The following CCDC178 variants were observed in gnomAD, a reference collection of about 807,000 sequenced individuals.
CCDC178 encodes coiled-coil domain containing 178, also known as coiled-coil domain-containing protein 178.
In CCDC178, 126 loss-of-function variants were observed where a neutral mutation model predicts 117.4. The observed-to-expected ratio is 1.07, with a 90% CI of 0.93 to 1.24. The LOEUF is 1.24. Among genes scored for constraint, CCDC178 ranks in the 50% most tolerant of loss-of-function variants. CCDC178 has a pLI of 0.00. For synonymous variants in CCDC178, 283 were observed against 313.4 expected (o/e 0.90, Z 1.02); for missense variants, 1,030 against 986.9 (o/e 1.04, Z -0.59).
chr18:33,250,699 T>C (rs1389608369), intron 14 of CCDC178, among the ~76,000 whole-genome samples: 2 of 151,612 alleles, frequency 1.3e-5, no homozygotes, highest in Non-Finnish European at 3.0e-5. Flanking sequence ...TATCGGAACA[T>C]CATAGGACAG....
At chr18:33,143,030 A>C (rs2058226427) in intron 20 of CCDC178, among the ~76,000 whole-genome samples, 1 of 152,122 alleles carries the variant, frequency 6.6e-6, no homozygotes, top group Non-Finnish European at 1.5e-5. Flanking sequence ...ATATGCTTCC[A>C]CGGGTTACAG....
Position 33,313,411 on chromosome 18 carries a change from A to C in CCDC178, c.1022+10080T>G, listed in dbSNP as rs78404418. On this transcript the variant is annotated intron_variant, in intron 11 of 22. Transcript: ENST00000383096. ...CAAATGCCACTTTTGCCTTCCTTCC[A>C]GGGTCCTACTCCTTTTATCCCAGTT... is the stretch of plus-strand genomic sequence containing the variant. 4.7e-3 allele frequency among the ~76,000 whole-genome samples: 723 copies of C among 152,290 alleles called. 5 individuals carry two copies. Among genetic ancestry groups the C allele is most frequent in the African/African-American group, 0.017 (691 of 41,562 alleles).
intron 5 of CCDC178, among the ~76,000 whole-genome samples, chr18:33,374,704 T>C (rs1404707008): frequency 6.7e-6 from 1 of 150,184 alleles, no homozygotes; most frequent in Admixed American, 6.7e-5. Context: ...TTCTTGATGA[T>C]AGTCAAAAAT....
chr18:33,048,286 T>C (rs1220712320), intron 21 of CCDC178, among the ~76,000 whole-genome samples: 1 of 152,162 alleles, frequency 6.6e-6, no homozygotes, highest in African/African-American at 2.4e-5. Flanking sequence ...CAGTTTCTGG[T>C]ACATTATTAC....
At chr18:33,197,318 C>T (rs186283936) in intron 20 of CCDC178, among the ~76,000 whole-genome samples, 3 of 152,230 alleles carry the variant, frequency 2.0e-5, no homozygotes, top group East Asian at 1.9e-4. Context: ...TGCGAGCCAC[C>T]GCATCCAGCC....
intron 15 of CCDC178, among the ~76,000 whole-genome samples, chr18:33,239,404 A>G (rs370707007): frequency 2.0e-5 from 3 of 152,086 alleles, no homozygotes; most frequent in South Asian, 4.1e-4. Context: ...TAAAAGATAT[A>G]GACCAACTGG....
intron 21 of CCDC178, among the ~76,000 whole-genome samples, chr18:33,066,951 C>T (rs2057027408): frequency 6.6e-6 from 1 of 152,024 alleles, no homozygotes; most frequent in African/African-American, 2.4e-5. Flanking sequence ...ATCATCGAGA[C>T]AAAAAATCAA....
chr18:33,068,407 A>C (rs2057055121), intron 21 of CCDC178, among the ~76,000 whole-genome samples: 1 of 152,120 alleles, frequency 6.6e-6, no homozygotes, highest in African/African-American at 2.4e-5. Flanking sequence ...GACCAGACAT[A>C]CAAAAATCTT....
At position 33,346,203 on chromosome 18, in the gene CCDC178, A is replaced by G. The variant is rs1164532079; in HGVS notation, c.658+8T>C. ...AATAAGAAGTAATATAAAAATCCCT[A>G]TTATTACCTTTCTGCACAGCCAATG... is the stretch of plus-strand genomic sequence containing the variant. On this transcript the variant is annotated splice_region_variant and intron_variant, in intron 9 of 22. Transcript: ENST00000383096. The G allele has an allele frequency of 5.0e-6, 8 of 1,590,758 alleles. No homozygotes were observed. In the African/African-American group the frequency reaches 8.1e-5, roughly 16 times the overall value.
intron 21 of CCDC178, among the ~76,000 whole-genome samples, chr18:33,036,325 C>T (rs187535407): frequency 7.0e-4 from 107 of 151,788 alleles, no homozygotes; most frequent in African/African-American, 2.6e-3. Context: ...AATTAATATA[C>T]TCATCAATTA....
At chr18:33,323,769 G>T in intron 10 of CCDC178, 136 bp from the exon 11 acceptor site, 1 of 498,148 alleles carries the variant, frequency 2.0e-6, no homozygotes, top group Non-Finnish European at 3.2e-6. Flanking sequence ...CTATGGTTTG[G>T]TAAGTGGAAT....
intron 20 of CCDC178, among the ~76,000 whole-genome samples, chr18:33,165,544 A>C (rs188907685): frequency 4.6e-5 from 7 of 152,310 alleles, no homozygotes; most frequent in Admixed American, 4.6e-4. Flanking sequence ...TAAGTTCTAC[A>C]AAATTCTAAT....
chr18:33,256,832 T>C (rs940045017), intron 14 of CCDC178, among the ~76,000 whole-genome samples: 4 of 152,078 alleles, frequency 2.6e-5, no homozygotes, highest in African/African-American at 9.7e-5. Context: ...TAGAAATGAA[T>C]CCAGTTTTAA....
chr18:33,293,056 T>A (rs565552480), intron 12 of CCDC178, 103 bp downstream of exon 12: 1 of 727,026 alleles, frequency 1.4e-6, no homozygotes, highest in East Asian at 2.9e-5. Flanking sequence ...TGGCTAAATA[T>A]AAAAAAATTG....
chr18:33,222,996 A>G lies in CCDC178; in HGVS notation c.1932+110T>C, dbSNP rs566522227. 4.0e-6 allele frequency: 3 copies of G among 756,798 alleles called. No homozygotes were observed. The East Asian group carries it at 8.3e-5, about 21-fold the overall frequency. The allele number at this position is 756,798 out of a possible 1,614,324, so 46.9% of individuals were successfully genotyped here. On this transcript the variant is annotated intron_variant, in intron 18 of 22. Transcript: ENST00000383096. Reference sequence around the variant, plus strand: ...CTTTTATCCCTAGTCGATTTAGTGCAATCAATAAGAAATGAGACACATTCA... The same window carrying G: ...CTTTTATCCCTAGTCGATTTAGTGCGATCAATAAGAAATGAGACACATTCA...
chr18:33,262,785 T>A (rs1040437496), intron 14 of CCDC178, among the ~76,000 whole-genome samples: 1 of 152,184 alleles, frequency 6.6e-6, no homozygotes, highest in African/African-American at 2.4e-5. Flanking sequence ...TAACATTAGA[T>A]CTACTATTTG....
In CCDC178 at chr18:33,267,202, T is replaced by G; in HGVS notation, c.1272A>C (p.Ala424=). ...GGGAAGTAGGAAAAAATCAACTTAC[T>G]GCAGCATAAAAATCATTAACTGCTT... The part of the protein sequence containing the change: ...YLEAVNDFYA[A]KKTWDIELSD... The change falls in exon 13 of 23, where the codon GCA becomes GCC. Residue 424 remains alanine (A), a splice_region_variant and synonymous_variant. Coordinates refer to ENST00000383096, the MANE Select transcript of CCDC178 (RefSeq NM_001105528.4). 1 of 1,588,990 alleles carries G rather than the reference T, an allele frequency of 6.3e-7. No individual in the cohort carries two copies. The highest frequency in any genetic ancestry group is 8.5e-7 in the Non-Finnish European group (1 of 1,172,134).
Position 33,349,463 on chromosome 18 carries a change from T to C in CCDC178, c.372-488A>G, listed in dbSNP as rs373820283. ...TGTTGGAAAGTACAAATATAGAACA[T>C]TGATTATCATAGAAAGTTCTACTGG... On this transcript the variant is annotated intron_variant, in intron 7 of 22. Coordinates refer to ENST00000383096, the MANE Select transcript of CCDC178 (RefSeq NM_001105528.4). Among the ~76,000 whole-genome samples, 110 of 152,030 alleles carry C rather than the reference T, an allele frequency of 7.2e-4. No individual in the cohort carries two copies. In the South Asian group the frequency reaches 0.01, roughly 14 times the overall value.
At chr18:33,105,081 A>G (rs273027) in intron 20 of CCDC178, among the ~76,000 whole-genome samples, 21,710 of 151,694 alleles carry the variant, frequency 0.14, 2,409 homozygotes, top group African/African-American at 0.31. Flanking sequence ...GGAGGAATGC[A>G]GGACTCAAAA....
Sources: gnomAD v4.1 joint callset for allele counts (sites outside exome capture counted in the v4.1 genomes callset) on GRCh38, gnomAD v4.1.1 for gene constraint, MANE v1.5 for transcripts, NCBI Gene and HGNC (gene_info 2026-07-23, HGNC 2026-07-21) for gene names.